Variants in ZC3H3 observed in about 807,000 individuals in gnomAD.
ZC3H3 encodes zinc finger CCCH domain-containing protein 3.
Under a neutral mutation model 77.3 loss-of-function variants are expected in ZC3H3, and 36 were observed. The ratio of observed to expected loss-of-function variants is 0.47; its 90% confidence interval spans 0.36 to 0.61. The LOEUF (loss-of-function observed/expected upper bound fraction) is 0.61. ZC3H3 is among the 20% of genes least tolerant of loss of function. The pLI is 0.00. For synonymous variants in ZC3H3, 626 were observed against 555.2 expected (o/e 1.13, Z -1.79); for missense variants, 1,331 against 1,312.2 (o/e 1.01, Z -0.22).
Position 143,507,864 on chromosome 8 carries a change from T to C in ZC3H3, c.1597A>G (p.Ser533Gly), listed in dbSNP as rs779408587. ...SLHAVRTAPT[S>G]KVIKTRYRIV... ...CGGTAGCGGGTCTTGATCACCTTGC[T>C]GGTGGGTGCAGTCCGCACGGCATGC... The change falls in exon 4 of 12, where the codon AGC (serine) becomes GGC (glycine). Residue 533 changes from serine to glycine, a missense_variant. Physicochemically the swap from Ser to Gly is moderately conservative, Grantham distance 56. Around this residue, in one of 3 missense-constraint regions of ZC3H3, gnomAD observed 978 missense variants for 915.5 expected, o/e 1.07. Coordinates refer to ENST00000262577, the MANE Select transcript of ZC3H3 (RefSeq NM_015117.3). 5.0e-6 allele frequency: 8 copies of C among 1,609,482 alleles called. No individual in the cohort carries two copies. The Admixed American group carries it at 6.7e-5, about 13-fold the overall frequency.
intron 3 of ZC3H3, among the ~76,000 whole-genome samples, chr8:143,535,769 T>C (rs948530327): frequency 7.9e-5 from 12 of 152,174 alleles, no homozygotes; most frequent in Non-Finnish European, 1.8e-4. Context: ...CTTAGAGTGG[T>C]ACAGCAGGAG....
In ZC3H3 at chr8:143,541,406, T is replaced by G. The variant is rs778393897; in HGVS notation, c.16A>C (p.Ile6Leu). 1.9e-6 allele frequency: 3 copies of G among 1,611,746 alleles called. No individual in the cohort carries two copies. In the South Asian group the frequency reaches 3.3e-5, roughly 18 times the overall value. ...AGTAGGCGGATCTGCCGCCGTAATA[T>G]CTCCTTTTCCTCCATCTCCCGAGTC... The part of the protein sequence containing the change: MEEKE[I>L]LRRQIRLLQG... Residue 6 changes from isoleucine to leucine, a missense_variant, in exon 1 of 12, where the codon ATA becomes CTA. By Grantham distance (5) the Ile-to-Leu change is conservative. Coordinates refer to ENST00000262577, the MANE Select transcript of ZC3H3 (RefSeq NM_015117.3).
chr8:143,441,438 C>T (rs972332264), intron 9 of ZC3H3, among the ~76,000 whole-genome samples: 3 of 152,226 alleles, frequency 2.0e-5, no homozygotes, highest in African/African-American at 4.8e-5. Flanking sequence ...TCTGCCCACC[C>T]GCTGCCTCTG....
At chr8:143,539,985 G>A (rs548737866) in intron 1 of ZC3H3, among the ~76,000 whole-genome samples, 3 of 152,320 alleles carry the variant, frequency 2.0e-5, no homozygotes, top group East Asian at 3.9e-4. Context: ...AGGCAAGGGC[G>A]GCAGCAGCCA....
At chr8:143,541,208 C>T (rs1823002289) in intron 1 of ZC3H3, among the ~76,000 whole-genome samples, 168 bp downstream of exon 1, 1 of 152,184 alleles carries the variant, frequency 6.6e-6, no homozygotes, top group Admixed American at 6.5e-5. Flanking sequence ...GGGACTGACC[C>T]GGGCCCTGAG....
rs35560132 is a variant in ZC3H3 at position 143,462,987 on chromosome 8, C to CT, written c.2307+2729dup. Among the ~76,000 whole-genome samples the CT allele has an allele frequency of 0.4, 57,865 of 143,506 alleles. 11,734 individuals are homozygous for CT. Among genetic ancestry groups the CT allele is most frequent in the Middle Eastern group, 0.45 (124 of 274 alleles). The allele number at this position is 143,506 out of a possible 152,430, so 94.1% of individuals were successfully genotyped here. A position where few individuals can be genotyped will look rare whatever the true frequency, so the allele number is the denominator to read the frequency against. ...GGAGCAGCGCCCAGACCCTGAGTCT[C>CT]TTTTTTTTTTTTTGAGACAGAGTCT... On this transcript the variant is annotated intron_variant, in intron 9 of 11. Coordinates refer to ENST00000262577, the MANE Select transcript of ZC3H3 (RefSeq NM_015117.3). This position sits in a 1 kb window ranked among gnomAD's most constrained non-coding sequence, Gnocchi z 4.7.
chr8:143,522,601 T>C (rs1389591638), intron 3 of ZC3H3, among the ~76,000 whole-genome samples: 3 of 143,898 alleles, frequency 2.1e-5, no homozygotes, highest in African/African-American at 5.2e-5. Context: ...CAAGACTCTC[T>C]GTCTTAAAAA....
intron 3 of ZC3H3, among the ~76,000 whole-genome samples, chr8:143,508,990 C>T (rs755764601): frequency 1.3e-5 from 2 of 152,166 alleles, no homozygotes; most frequent in Admixed American, 6.5e-5. Flanking sequence ...TCCTTGAGGC[C>T]GAGCTTCTAG....
chr8:143,512,970 A>T (rs1007842003), intron 3 of ZC3H3, among the ~76,000 whole-genome samples: 7 of 151,950 alleles, frequency 4.6e-5, no homozygotes, highest in Non-Finnish European at 1.0e-4. Flanking sequence ...CTGAGAGAGG[A>T]GAGAGCAGGG....
At chr8:143,478,518 T>C (rs1233961664) in intron 4 of ZC3H3, among the ~76,000 whole-genome samples, 3 of 152,232 alleles carry the variant, frequency 2.0e-5, no homozygotes, top group Non-Finnish European at 4.4e-5. Flanking sequence ...CTTATTTTTT[T>C]GTTTTTTTGA....
At chr8:143,438,487 C>G (rs898219583) in intron 11 of ZC3H3, among the ~76,000 whole-genome samples, 1 of 152,202 alleles carries the variant, frequency 6.6e-6, no homozygotes, top group South Asian at 2.1e-4. Flanking sequence ...GCCAGACACA[C>G]GAGGCGGCCA....
rs546999321 is a variant in ZC3H3 at position 143,523,457 on chromosome 8, C to A, written c.1561+12800G>T. The A allele has an allele frequency of 1.3e-5, 13 of 985,416 alleles. No individual in the cohort carries two copies. In the East Asian group the frequency reaches 5.7e-4, roughly 43 times the overall value. The allele number at this position is 985,416 out of a possible 1,614,324, so 61.0% of individuals were successfully genotyped here. ...ATCTCAGGGAGGGTGGTGTTTGCAG[C>A]CATCTTGGAAGACACTCCCCGCTGC... On this transcript the variant is annotated intron_variant, in intron 3 of 11. Transcript: ENST00000262577.
At chr8:143,454,448 T>C (rs1820062833) in intron 9 of ZC3H3, among the ~76,000 whole-genome samples, 1 of 150,110 alleles carries the variant, frequency 6.7e-6, no homozygotes, top group African/African-American at 2.5e-5. Context: ...TCACCCAGGC[T>C]GGAGTGCAGT....
chr8:143,535,132 A>T (rs1442087171), intron 3 of ZC3H3, among the ~76,000 whole-genome samples: 1 of 151,798 alleles, frequency 6.6e-6, no homozygotes, highest in Non-Finnish European at 1.5e-5. Flanking sequence ...GCAACCTCCC[A>T]GGCTCAAGCA....
At chr8:143,455,978 CAAAAA>C (rs58754874) in intron 9 of ZC3H3, among the ~76,000 whole-genome samples, 6 of 40,918 alleles carry the variant, frequency 1.5e-4, no homozygotes, top group South Asian at 1.3e-3. Flanking sequence ...GACTCTGTCT[CAAAAA>C]AAAAAAAAAA....
intron 9 of ZC3H3, among the ~76,000 whole-genome samples, chr8:143,458,431 G>C (rs1361312130): frequency 6.8e-6 from 1 of 146,834 alleles, no homozygotes; most frequent in Non-Finnish European, 1.5e-5. Context: ...AGGATCACTT[G>C]AGCCCAGGAC....
At chr8:143,529,057 G>A (rs1377984547) in intron 3 of ZC3H3, among the ~76,000 whole-genome samples, 1 of 152,230 alleles carries the variant, frequency 6.6e-6, no homozygotes, top group African/African-American at 2.4e-5. Context: ...ATGGACCACG[G>A]CCCACCTCAC....
Position 143,538,922 on chromosome 8 carries a change from A to G in ZC3H3, c.445T>C (p.Phe149Leu), listed in dbSNP as rs756509757. 1.9e-6 allele frequency: 3 copies of G among 1,612,934 alleles called. No individual in the cohort carries two copies. In the Admixed American group the frequency reaches 5.0e-5, roughly 27 times the overall value. Residue 149 changes from phenylalanine to leucine, a missense_variant, in exon 2 of 12, where the codon TTT becomes CTT. Coordinates refer to ENST00000262577, the MANE Select transcript of ZC3H3 (RefSeq NM_015117.3). ...SGAQRGSLEE[F>L]EETPWSDQRP... is the part of the protein sequence containing the mutation. ...TGGTCACTCCAGGGGGTTTCCTCAA[A>G]TTCTTCCAAAGAGCCCCGCTGGGCC...
intron 2 of ZC3H3, among the ~76,000 whole-genome samples, 190 bp from the exon 3 acceptor site, chr8:143,536,643 C>T (rs995855414): frequency 2.0e-5 from 3 of 152,186 alleles, no homozygotes; most frequent in Non-Finnish European, 4.4e-5. Flanking sequence ...CAGGCTGAGG[C>T]GGCAGGCTTG....
Sources: allele counts gnomAD v4.1 joint callset (sites outside exome capture counted in the v4.1 genomes callset), GRCh38; gene constraint gnomAD v4.1.1; regional missense constraint gnomAD v4.1.1; non-coding constraint Gnocchi (gnomAD v3.1); transcripts MANE v1.5; gene names NCBI Gene and HGNC (gene_info 2026-07-23, HGNC 2026-07-21).